The following TRAPPC9 variants were observed in gnomAD, a reference collection of about 807,000 sequenced individuals.
TRAPPC9 encodes IKK2 binding protein.
TRAPPC9 carries 83 observed loss-of-function variants against 124.0 expected under a neutral mutation model. The observed-to-expected ratio is 0.67, with a 90% CI of 0.56 to 0.80. The LOEUF (loss-of-function observed/expected upper bound fraction) is 0.80. Ranked by LOEUF, TRAPPC9 falls within the 30% of genes least tolerant of loss-of-function variation. TRAPPC9 has a pLI of 0.00. For synonymous variants in TRAPPC9, 638 were observed against 617.5 expected (o/e 1.03, Z -0.49); for missense variants, 1,302 against 1,508.3 (o/e 0.86, Z 2.27).
rs1009231089 is a variant in TRAPPC9 at position 140,252,190 on chromosome 8, G to A, written c.2431+587C>T. ...ACAGGCATGCGCCACCATGCCCGACGAATTTTTGTATTGTTAATAGAGACA... is the reference window on the plus strand; with the variant it reads ...ACAGGCATGCGCCACCATGCCCGACAAATTTTTGTATTGTTAATAGAGACA... On this transcript the variant is annotated intron_variant, in intron 16 of 22. Coordinates refer to ENST00000438773, the MANE Select transcript of TRAPPC9 (RefSeq NM_001160372.4). The surrounding 1 kb of genome is among the most constrained non-coding windows in gnomAD (Gnocchi z 4.2). 3.9e-5 allele frequency among the ~76,000 whole-genome samples: 6 copies of A among 151,938 alleles called. No homozygotes were observed. The highest frequency in any genetic ancestry group is 1.2e-4 in the African/African-American group (5 of 41,364).
intron 7 of TRAPPC9, among the ~76,000 whole-genome samples, chr8:140,379,063 T>C (rs13265382): frequency 0.22 from 33,102 of 152,172 alleles, 4,146 homozygotes; most frequent in Non-Finnish European, 0.29. Context: ...TAAGTATTAT[T>C]TGAAATTTTT....
chr8:140,296,664 G>A (rs548847446), intron 11 of TRAPPC9, among the ~76,000 whole-genome samples: 8 of 152,312 alleles, frequency 5.3e-5, no homozygotes, highest in African/African-American at 1.4e-4. Flanking sequence ...CTGGGTTCAC[G>A]CTCTGCTGTT....
intron 8 of TRAPPC9, among the ~76,000 whole-genome samples, chr8:140,364,977 C>G (rs927114108): frequency 1.3e-5 from 2 of 150,802 alleles, no homozygotes; most frequent in Non-Finnish European, 3.0e-5. Context: ...TGGCCCTCAT[C>G]TGCAACCAAA....
At chr8:139,803,976 T>A (rs557314296) in intron 21 of TRAPPC9, among the ~76,000 whole-genome samples, 53 of 152,046 alleles carry the variant, frequency 3.5e-4, no homozygotes, top group African/African-American at 1.2e-3. Context: ...AGTGAATCCC[T>A]CAAGTCTGCA....
intron 17 of TRAPPC9, among the ~76,000 whole-genome samples, chr8:140,202,163 T>TAAA (rs397698897): frequency 7.4e-6 from 1 of 135,868 alleles, no homozygotes; most frequent in Admixed American, 7.2e-5. Flanking sequence ...CTTCTGTAAT[T>TAAA]AAAAAAAAAA....
At chr8:140,217,370 G>T (rs1345543762) in intron 17 of TRAPPC9, among the ~76,000 whole-genome samples, 2 of 152,166 alleles carry the variant, frequency 1.3e-5, no homozygotes, top group Non-Finnish European at 2.9e-5. Flanking sequence ...GCAGCACAGG[G>T]TTGAAAGTAA....
At chr8:140,107,936 C>T (rs2060696600) in intron 17 of TRAPPC9, among the ~76,000 whole-genome samples, 1 of 144,852 alleles carries the variant, frequency 6.9e-6, no homozygotes, top group Admixed American at 7.0e-5. Flanking sequence ...TATGAGGCTC[C>T]AGGTTTTCAA....
At chr8:140,208,129 G>A (rs568584536) in intron 17 of TRAPPC9, among the ~76,000 whole-genome samples, 12 of 147,910 alleles carry the variant, frequency 8.1e-5, no homozygotes, top group African/African-American at 2.5e-5. Flanking sequence ...CAGCCTGGGC[G>A]ACAAAAATGA....
At position 140,185,967 on chromosome 8, in the gene TRAPPC9, G is replaced by A. The variant is rs188119443; in HGVS notation, c.2556+35492C>T. Among the ~76,000 whole-genome samples, 15 of 152,296 alleles carry A rather than the reference G, an allele frequency of 9.8e-5. No individual in the cohort carries two copies. The East Asian group carries it at 2.1e-3, about 22-fold the overall frequency. On this transcript the variant is annotated intron_variant, in intron 17 of 22. Coordinates refer to ENST00000438773, the MANE Select transcript of TRAPPC9 (RefSeq NM_001160372.4). Reference sequence around the variant, plus strand: ...AGGAATTAGCCAACAAAAAAGTCAAGGAGAAGGGGTGGCTGCCAAGGAGGA... The same window carrying A: ...AGGAATTAGCCAACAAAAAAGTCAAAGAGAAGGGGTGGCTGCCAAGGAGGA...
chr8:140,405,814 TGTAA>T (rs1279615724), intron 5 of TRAPPC9, 116 bp from the exon 6 acceptor site: 7 of 1,206,416 alleles, frequency 5.8e-6, no homozygotes, highest in African/African-American at 4.5e-5. Flanking sequence ...ATTTAAATAA[TGTAA>T]GTGTTTAGTC....
intron 21 of TRAPPC9, among the ~76,000 whole-genome samples, chr8:139,791,686 T>C (rs1208638771): frequency 2.0e-5 from 3 of 152,156 alleles, no homozygotes; most frequent in African/African-American, 4.8e-5. Flanking sequence ...GTTGTATGGA[T>C]TGGCGCTACA....
rs761127802 is a variant in TRAPPC9 at position 140,311,295 on chromosome 8, G to A, written c.1575C>T (p.Gly525=). The change falls in exon 10 of 23, where the codon GGC becomes GGT. Residue 525 remains glycine (G), a synonymous_variant. Coordinates refer to ENST00000438773, the MANE Select transcript of TRAPPC9 (RefSeq NM_001160372.4). ...PGTMEPIALP[G]GLTLPPVPFT... ...AGGGCACCGGTGGCAGGGTGAGGCC[G>A]CCAGGGAGGGCGATGGGCTCCATGG... is the stretch of plus-strand genomic sequence containing the variant. 1.3e-5 allele frequency: 21 copies of A among 1,613,416 alleles called. No homozygotes were observed. Among genetic ancestry groups the A allele is most frequent in the African/African-American group, 1.1e-4 (8 of 74,938 alleles).
chr8:140,099,029 T>C (rs1163092560), intron 17 of TRAPPC9: 2 of 151,498 alleles, frequency 1.3e-5, no homozygotes, highest in Admixed American at 1.3e-4. Flanking sequence ...TACGTCTCAG[T>C]GCGGGGCTTT....
intron 21 of TRAPPC9, among the ~76,000 whole-genome samples, chr8:139,837,526 G>A (rs745774885): frequency 4.6e-5 from 7 of 152,122 alleles, no homozygotes; most frequent in East Asian, 1.9e-4. Flanking sequence ...GAAGGCTCAC[G>A]TGCCCAGGGA....
chr8:140,071,199 T>G (rs990405304), intron 17 of TRAPPC9, among the ~76,000 whole-genome samples: 2 of 152,218 alleles, frequency 1.3e-5, no homozygotes, highest in African/African-American at 4.8e-5. Flanking sequence ...CTGGCTTATA[T>G]TGAAACCCAC....
At chr8:139,839,095 G>C (rs1826557397) in intron 21 of TRAPPC9, among the ~76,000 whole-genome samples, 1 of 152,236 alleles carries the variant, frequency 6.6e-6, no homozygotes, top group Non-Finnish European at 1.5e-5. Context: ...CTCCCTCAGG[G>C]TGCATCTTTG....
intron 15 of TRAPPC9, among the ~76,000 whole-genome samples, chr8:140,269,466 G>A (rs541333010): frequency 2.6e-5 from 4 of 151,874 alleles, no homozygotes; most frequent in African/African-American, 4.8e-5. Context: ...GCGTGAACCC[G>A]GGAGGCGGAG....
intron 21 of TRAPPC9, among the ~76,000 whole-genome samples, chr8:139,822,426 C>A (rs1825312613): frequency 6.6e-6 from 1 of 152,188 alleles, no homozygotes; most frequent in Admixed American, 6.5e-5. Context: ...GTACCAGCTA[C>A]ATAGGGCAAG....
intron 9 of TRAPPC9, among the ~76,000 whole-genome samples, chr8:140,343,314 T>C (rs905447383): frequency 6.6e-5 from 10 of 152,238 alleles, no homozygotes; most frequent in South Asian, 2.1e-4. Context: ...GCCCATGGCA[T>C]GCATATCAGC....
Sources: gnomAD v4.1 joint callset for allele counts (sites outside exome capture counted in the v4.1 genomes callset) on GRCh38, gnomAD v4.1.1 for gene constraint, Gnocchi (gnomAD v3.1) non-coding constraint, MANE v1.5 for transcripts, NCBI Gene and HGNC (gene_info 2026-07-23, HGNC 2026-07-21) for gene names.